NAV3: variants seen among roughly 807,000 people sequenced by gnomAD.
NAV3 encodes the protein pore membrane and/or filament interacting like protein 1.
Under a neutral mutation model 244.7 loss-of-function variants are expected in NAV3, and 87 were observed. The ratio of observed to expected loss-of-function variants is 0.36; its 90% confidence interval spans 0.30 to 0.42. The LOEUF is 0.42. NAV3 is among the 20% of genes least tolerant of loss of function. The probability of loss-of-function intolerance (pLI) is 1.00; values close to 1 mark genes in which losing one functional copy is unlikely to be tolerated. For missense variants in NAV3, 2,663 were observed against 2,893.3 expected, an observed-to-expected ratio of 0.92 and a Z score of 1.83; for synonymous variants, 1,126 against 1,042.2, an observed-to-expected ratio of 1.08 and a Z score of -1.55.
chr12:77,730,922 C>G (rs1197432993), intron 2 of NAV3, among the ~76,000 whole-genome samples: 1 of 151,664 alleles, frequency 6.6e-6, no homozygotes, highest in Non-Finnish European at 1.5e-5. Context: ...AGAATAAAAA[C>G]AGAATAATGC....
intron 1 of NAV3, among the ~76,000 whole-genome samples, chr12:77,872,265 C>G (rs958255055): frequency 1.3e-5 from 2 of 152,062 alleles, no homozygotes; most frequent in African/African-American, 4.8e-5. Context: ...CAAGTTTCTT[C>G]TCTAGCATGG....
intron 2 of NAV3, among the ~76,000 whole-genome samples, chr12:77,573,083 G>A (rs1042756160): frequency 6.6e-6 from 1 of 152,160 alleles, no homozygotes; most frequent in African/African-American, 2.4e-5. Context: ...TAGGTGTGTG[G>A]GGACCCAGTA....
chr12:77,820,439 A>C (rs10859425), intron 2 of NAV3, among the ~76,000 whole-genome samples: 103,176 of 151,940 alleles, frequency 0.68, 35,267 homozygotes, highest in African/African-American at 0.76. Flanking sequence ...TCCCTCCATC[A>C]AGTCTTTTTA....
chr12:78,161,374 A>G lies in NAV3; in HGVS notation c.4869+2088A>G, dbSNP rs535029385. ...TATACCAAGCATATTGTTGGAAATGAGTGTTAGAATTTAAGTCTCAATATC... is the reference window on the plus strand; with the variant it reads ...TATACCAAGCATATTGTTGGAAATGGGTGTTAGAATTTAAGTCTCAATATC... On this transcript the variant is annotated intron_variant, in intron 23 of 39. Transcript: ENST00000397909. Among the ~76,000 whole-genome samples, 139 of 152,234 alleles carry G rather than the reference A, an allele frequency of 9.1e-4. 1 individual carries two copies. The highest frequency in any genetic ancestry group is 3.3e-3 in the African/African-American group (136 of 41,558).
chr12:77,771,929 A>G (rs574412680), intron 2 of NAV3, among the ~76,000 whole-genome samples: 2 of 6,720 alleles, frequency 3.0e-4, no homozygotes, highest in Non-Finnish European at 0.017. Flanking sequence ...AAAAAAATTA[A>G]AAAAAAATGT....
At chr12:77,875,769 ATGTGCT>A (rs1881763869) in intron 1 of NAV3, among the ~76,000 whole-genome samples, 1 of 152,060 alleles carries the variant, frequency 6.6e-6, no homozygotes, top group Non-Finnish European at 1.5e-5. Context: ...TTAGTCTCTA[ATGTGCT>A]TTTATGTCTC....
At chr12:77,780,611 C>T (rs970731112) in intron 2 of NAV3, among the ~76,000 whole-genome samples, 4 of 152,030 alleles carry the variant, frequency 2.6e-5, no homozygotes, top group East Asian at 1.9e-4. Flanking sequence ...TGCTATGAGG[C>T]GAGTTATTGA....
chr12:77,645,691 T>A (rs1872583320), intron 2 of NAV3, among the ~76,000 whole-genome samples: 1 of 152,094 alleles, frequency 6.6e-6, no homozygotes, highest in Non-Finnish European at 1.5e-5. Flanking sequence ...CAAAAGACCC[T>A]TATTCTTGGT....
chr12:77,653,012 A>G (rs1195800836), intron 2 of NAV3, among the ~76,000 whole-genome samples: 4 of 151,866 alleles, frequency 2.6e-5, no homozygotes, highest in East Asian at 3.8e-4. Flanking sequence ...GCTGAAAAAT[A>G]TTACCTAGTC....
At chr12:78,121,626 A>G (rs1192098118) in intron 15 of NAV3, among the ~76,000 whole-genome samples, 1 of 152,092 alleles carries the variant, frequency 6.6e-6, no homozygotes, top group Non-Finnish European at 1.5e-5. Flanking sequence ...TGGTCAAACT[A>G]CTGACTTTGA....
chr12:78,107,491 A>AG (rs1954861623), intron 12 of NAV3, among the ~76,000 whole-genome samples: 1 of 152,160 alleles, frequency 6.6e-6, no homozygotes, highest in South Asian at 2.1e-4. Context: ...AATTCTAAAA[A>AG]CAGCAAGAGA....
chr12:77,980,871 G>T (rs971987201), intron 5 of NAV3, among the ~76,000 whole-genome samples: 10 of 152,122 alleles, frequency 6.6e-5, no homozygotes, highest in African/African-American at 2.4e-4. Context: ...AAGAGCAAGA[G>T]ACTTTGATGC....
chr12:77,725,103 T>C (rs1258867480), intron 2 of NAV3, among the ~76,000 whole-genome samples: 1 of 152,038 alleles, frequency 6.6e-6, no homozygotes, highest in Admixed American at 6.6e-5. Flanking sequence ...CAAGATAATT[T>C]AAGCATCTAG....
intron 1 of NAV3, among the ~76,000 whole-genome samples, chr12:77,928,780 A>G (rs959134142): frequency 6.6e-6 from 1 of 152,224 alleles, no homozygotes; most frequent in Admixed American, 6.5e-5. Flanking sequence ...TAATAGAGAT[A>G]TGTAACTAGA....
At chr12:78,056,071 G>C (rs761312323) in intron 11 of NAV3, 1 of 152,156 alleles carries the variant, frequency 6.6e-6, no homozygotes, top group African/African-American at 2.4e-5. Context: ...ATGTTGACAA[G>C]TAAAAATACC....
Position 77,731,589 on chromosome 12 carries a change from T to C in NAV3, c.72+159323T>C, listed in dbSNP as rs147689791. ...GAGAGAGGAATCTTCATTTTCCATATACGAATTCAAGAGATTGTTGAGCTT... is the reference window on the plus strand; with the variant it reads ...GAGAGAGGAATCTTCATTTTCCATACACGAATTCAAGAGATTGTTGAGCTT... On this transcript the variant is annotated intron_variant, in intron 2 of 8. Transcript: ENST00000550042. 4.4e-3 allele frequency among the ~76,000 whole-genome samples: 674 copies of C among 152,078 alleles called. 6 individuals are homozygous for C. The highest frequency in any genetic ancestry group is 0.015 in the African/African-American group (631 of 41,522).
intron 1 of NAV3, among the ~76,000 whole-genome samples, chr12:77,842,769 T>C (rs1397736890): frequency 6.6e-6 from 1 of 152,058 alleles, no homozygotes; most frequent in Admixed American, 6.6e-5. Flanking sequence ...TAAGCACATA[T>C]AAAGAATATT....
chr12:77,887,068 A>G (rs1883378103), intron 1 of NAV3, among the ~76,000 whole-genome samples: 2 of 152,184 alleles, frequency 1.3e-5, no homozygotes, highest in South Asian at 4.1e-4. Flanking sequence ...GCGTTAGAGA[A>G]GAACCCATTC....
At chr12:77,747,200 A>AT (rs887692957) in intron 2 of NAV3, among the ~76,000 whole-genome samples, 3 of 152,120 alleles carry the variant, frequency 2.0e-5, no homozygotes, top group Non-Finnish European at 2.9e-5. Flanking sequence ...TAAAACATTG[A>AT]TTTTTTCATG....
Sources: gnomAD v4.1 joint callset for allele counts (sites outside exome capture counted in the v4.1 genomes callset) on GRCh38, gnomAD v4.1.1 for gene constraint, MANE v1.5 for transcripts, NCBI Gene and HGNC (gene_info 2026-07-23, HGNC 2026-07-21) for gene names.